CES5A: variants seen among roughly 807,000 people sequenced by gnomAD.
The protein encoded by CES5A is carboxylesterase 5.
A neutral mutation model predicts 62.9 loss-of-function variants in CES5A; 67 were observed. The observed-to-expected ratio is 1.07, with a 90% CI of 0.88 to 1.31. The LOEUF (loss-of-function observed/expected upper bound fraction) is 1.31, where lower values mean the gene tolerates loss of function less well. Ranked by LOEUF, CES5A falls within the 50% of genes most tolerant of loss-of-function variation. CES5A has a pLI of 0.00. For synonymous variants in CES5A, 296 were observed against 280.8 expected (o/e 1.05, Z -0.54); for missense variants, 748 against 708.5 (o/e 1.06, Z -0.63).
At chr16:55,921,156 G>A (rs1320399086) in intron 1 of CES5A, among the ~76,000 whole-genome samples, 1 of 152,074 alleles carries the variant, frequency 6.6e-6, no homozygotes, top group African/African-American at 2.4e-5. Context: ...GAGAATTATT[G>A]TTGTTCAAAG....
At chr16:55,953,579 C>A (rs1354067379) in intron 1 of CES5A, among the ~76,000 whole-genome samples, 1 of 152,026 alleles carries the variant, frequency 6.6e-6, no homozygotes, top group African/African-American at 2.4e-5. Flanking sequence ...ATACCTCAGG[C>A]AAATTTCATA....
At chr16:55,900,034 G>A (rs1356830421) in intron 1 of CES5A, among the ~76,000 whole-genome samples, 2 of 152,100 alleles carry the variant, frequency 1.3e-5, no homozygotes, top group Non-Finnish European at 2.9e-5. Flanking sequence ...CCCAGAGAGG[G>A]TAAGGGGATT....
chr16:55,875,562 G>A (rs747093459), upstream of CES5A, among the ~76,000 whole-genome samples: 1 of 152,210 alleles, frequency 6.6e-6, no homozygotes, highest in Non-Finnish European at 1.5e-5. Context: ...AAGGATGAAT[G>A]AGGTTTCCAG....
In CES5A at chr16:55,846,462, A is replaced by G; in HGVS notation, c.1717T>C (p.Cys573Arg). 6.2e-7 allele frequency: 1 copy of G among 1,613,364 alleles called. No homozygotes were observed. Among genetic ancestry groups the G allele is most frequent in the South Asian group, 1.1e-5 (1 of 91,082 alleles). ...AGAAAGATAACTTCTCAAGGAGCAC[A>G]AAAGAAAAAGAAAGGCTGGAGGAGA... ...LSLLQPFFFF[C>R]AP The change falls in exon 13 of 13, where the codon TGT becomes CGT. Residue 573 changes from cysteine (C) to arginine (R), a missense_variant. By Grantham distance (180) the Cys-to-Arg change is radical (BLOSUM62 -3). Transcript: ENST00000290567.
chr16:55,881,982 A>AT (rs1244577065), intron 1 of CES5A, among the ~76,000 whole-genome samples: 1 of 152,192 alleles, frequency 6.6e-6, no homozygotes, highest in Non-Finnish European at 1.5e-5. Flanking sequence ...CTAATAGGTC[A>AT]TGGTAATCCT....
intron 2 of CES5A, among the ~76,000 whole-genome samples, chr16:55,935,519 T>A (rs576041874): frequency 6.6e-6 from 1 of 152,300 alleles, no homozygotes; most frequent in East Asian, 1.9e-4. Context: ...CCAGTCAAGT[T>A]GACACGTAAA....
In CES5A at chr16:55,852,898, G is replaced by C; in HGVS notation, c.1256C>G (p.Thr419Arg). 1 of 1,613,730 alleles carries C rather than the reference G, an allele frequency of 6.2e-7. No homozygotes were observed. The highest frequency in any genetic ancestry group is 2.2e-5 in the East Asian group (1 of 44,878). The change falls in exon 10 of 13, where the codon ACA becomes AGA. Residue 419 changes from threonine to arginine, a missense_variant. Transcript: ENST00000290567. ...ATACTCACCTCTGTGATATCGAGCT[G>C]TGATCAGTGCAGGGACCACAAAGAA... Reference protein sequence around the residue: ...DVFFVVPALITARYHRDAGAP... With the variant: ...DVFFVVPALIRARYHRDAGAP...
chr16:55,900,640 G>A (rs1335020513), intron 1 of CES5A, among the ~76,000 whole-genome samples: 1 of 152,170 alleles, frequency 6.6e-6, no homozygotes, highest in Non-Finnish European at 1.5e-5. Flanking sequence ...GCTTGTCAGG[G>A]CTGAGAAGGC....
intron 1 of CES5A, among the ~76,000 whole-genome samples, chr16:55,894,936 G>GA (rs2033916810): frequency 6.6e-6 from 1 of 152,162 alleles, no homozygotes; most frequent in Non-Finnish European, 1.5e-5. Flanking sequence ...GAGGAAAGAT[G>GA]GGAAGTGAGT....
chr16:55,858,750 G>A (rs1335593493), intron 8 of CES5A, among the ~76,000 whole-genome samples: 1 of 152,148 alleles, frequency 6.6e-6, no homozygotes, highest in African/African-American at 2.4e-5. Flanking sequence ...ACAGTATTAG[G>A]AATTTGAAGT....
At chr16:55,949,884 C>G (rs1201627118) in exon 2 of CES5A, 1 of 1,500,172 alleles carries the variant, frequency 6.7e-7, no homozygotes, top group Non-Finnish European at 8.9e-7. Context: ...CTCCACATTC[C>G]CCTTCTTATC....
chr16:55,913,909 C>T (rs1470772410), intron 1 of CES5A, among the ~76,000 whole-genome samples: 1 of 152,174 alleles, frequency 6.6e-6, no homozygotes, highest in African/African-American at 2.4e-5. Flanking sequence ...GTCATGTTGC[C>T]TGCAGCTCAC....
intron 1 of CES5A, among the ~76,000 whole-genome samples, chr16:55,889,941 C>T (rs1165079636): frequency 2.0e-5 from 3 of 152,170 alleles, no homozygotes; most frequent in African/African-American, 7.2e-5. Context: ...CACAATATCA[C>T]AGTGGGCTAG....
intron 1 of CES5A, among the ~76,000 whole-genome samples, chr16:55,886,287 T>G (rs1489390479): frequency 6.6e-6 from 1 of 152,230 alleles, no homozygotes; most frequent in Non-Finnish European, 1.5e-5. Context: ...CAGTGGTGAA[T>G]GGCTTGGCCA....
chr16:55,945,081 TAA>T (rs1289539444), intron 2 of CES5A, among the ~76,000 whole-genome samples: 2 of 152,248 alleles, frequency 1.3e-5, no homozygotes, highest in Non-Finnish European at 2.9e-5. Flanking sequence ...GTTTTATTGT[TAA>T]ATGAACTCAT....
At chr16:55,868,330 C>T (rs1247868859) in intron 4 of CES5A, among the ~76,000 whole-genome samples, 1 of 152,194 alleles carries the variant, frequency 6.6e-6, no homozygotes, top group African/African-American at 2.4e-5. Context: ...GGCTACAGGC[C>T]CAGTGCAGTC....
At chr16:55,858,316 C>T (rs4260056) in intron 8 of CES5A, among the ~76,000 whole-genome samples, 7,157 of 152,302 alleles carry the variant, frequency 0.047, 570 homozygotes, top group African/African-American at 0.16. Flanking sequence ...TGCTCTGAGC[C>T]TCAGTTTCTT....
chr16:55,902,061 C>G (rs1238644194), intron 1 of CES5A, among the ~76,000 whole-genome samples: 1 of 152,176 alleles, frequency 6.6e-6, no homozygotes, highest in Non-Finnish European at 1.5e-5. Flanking sequence ...GCCTTTTTGA[C>G]TGTGCATTTG....
intron 8 of CES5A, among the ~76,000 whole-genome samples, chr16:55,859,001 C>T (rs765072590): frequency 3.3e-5 from 5 of 152,178 alleles, no homozygotes; most frequent in Non-Finnish European, 5.9e-5. Context: ...TCTTATCTGT[C>T]TCTCCCCACC....
Sources: gnomAD v4.1 joint callset for allele counts (sites outside exome capture counted in the v4.1 genomes callset) on GRCh38, gnomAD v4.1.1 for gene constraint, MANE v1.5 for transcripts, NCBI Gene and HGNC (gene_info 2026-07-23, HGNC 2026-07-21) for gene names.